The following SLC6A3 variants were observed in gnomAD, a reference collection of about 807,000 sequenced individuals.
SLC6A3 encodes the protein solute carrier family 6 member 3.
SLC6A3 carries 19 observed loss-of-function variants against 70.4 expected under a neutral mutation model. The observed-to-expected ratio is 0.27, with a 90% CI of 0.19 to 0.40. The LOEUF is 0.40. SLC6A3 is among the 10% of genes least tolerant of loss of function. SLC6A3 has a pLI of 1.00. For missense variants in SLC6A3, 613 were observed against 838.5 expected (o/e 0.73, Z 3.32); for synonymous variants, 368 against 356.6 (o/e 1.03, Z -0.36).
chr5:1,408,786 C>T lies in SLC6A3; in HGVS notation c.1498+240G>A, dbSNP rs1756046660. On this transcript the variant is annotated intron_variant, in intron 11 of 14. Transcript: ENST00000270349. This position sits in a 1 kb window ranked among gnomAD's most constrained non-coding sequence, Gnocchi z 6.4. ...TAGCGTGGAGGAGGCAGAAGACGCC[C>T]AGCCGCTGTGAACACCTCTGACCAC... 6.6e-6 allele frequency among the ~76,000 whole-genome samples: 1 copy of T among 152,214 alleles called. No individual in the cohort carries two copies. The highest frequency in any genetic ancestry group is 2.4e-5 in the African/African-American group (1 of 41,446).
chr5:1,406,122 G>C lies in SLC6A3; in HGVS notation c.1599+66C>G. The C allele has an allele frequency of 2.5e-6, 3 of 1,204,202 alleles. No individual in the cohort carries two copies. Among genetic ancestry groups the C allele is most frequent in the Non-Finnish European group, 3.7e-6 (3 of 807,116 alleles). 74.6% of individuals were successfully genotyped at this position (1,204,202 alleles called of 1,614,324 possible). The stretch of plus-strand genomic sequence containing the variant: ...AACCCACATGCGGGCGCTGGACCTC[G>C]GGGCAGGTGCCAGAGTGGGGGCAGT... On this transcript the variant is annotated intron_variant, in intron 12 of 14. Transcript: ENST00000270349. The surrounding 1 kb of genome is among the most constrained non-coding windows in gnomAD (Gnocchi z 8.8).
intron 4 of SLC6A3, 78 bp from the exon 5 acceptor site, chr5:1,422,092 G>T: frequency 6.8e-7 from 1 of 1,462,284 alleles, no homozygotes; most frequent in Non-Finnish European, 9.4e-7. Context: ...CTTGTCCGGG[G>T]ACCTGCCCTC....
chr5:1,414,045 C>T (rs28363075), intron 8 of SLC6A3, among the ~76,000 whole-genome samples: 68 of 152,320 alleles, frequency 4.5e-4, no homozygotes, highest in East Asian at 9.7e-4. Context: ...CGTCATGCGT[C>T]GGCCTGGGGA....
rs1019887551 is a variant in SLC6A3 at position 1,405,241 on chromosome 5, A to G, written c.1599+947T>C. ...GGGCAGGTTCTCTCACACTATGTTG[A>G]GCTCCTCCGGGATAGGGCCTGTCTC... On this transcript the variant is annotated intron_variant, in intron 12 of 14. Coordinates refer to ENST00000270349, the MANE Select transcript of SLC6A3 (RefSeq NM_001044.5). The surrounding 1 kb of genome is among the most constrained non-coding windows in gnomAD (Gnocchi z 5.3). Among the ~76,000 whole-genome samples the G allele has an allele frequency of 5.9e-5, 9 of 152,102 alleles. No individual in the cohort carries two copies. Among genetic ancestry groups the G allele is most frequent in the African/African-American group, 2.2e-4 (9 of 41,388 alleles).
At chr5:1,395,621 C>G (rs1755698282) in intron 14 of SLC6A3, among the ~76,000 whole-genome samples, 1 of 152,198 alleles carries the variant, frequency 6.6e-6, no homozygotes, top group Admixed American at 6.5e-5. Flanking sequence ...CCGGCACAGG[C>G]AGCATCCAGG....
At chr5:1,412,108 C>T (rs972925193) in intron 8 of SLC6A3, among the ~76,000 whole-genome samples, 2 of 152,256 alleles carry the variant, frequency 1.3e-5, no homozygotes, top group African/African-American at 4.8e-5. Context: ...TTTAGGGATA[C>T]ATTCCTGACC....
In SLC6A3 at chr5:1,442,981, C is replaced by T. The variant is rs150576860; in HGVS notation, c.217G>A (p.Val73Ile). The change falls in exon 2 of 15, where the codon GTC becomes ATC. Residue 73 changes from valine (V) to isoleucine (I), a missense_variant. Transcript: ENST00000270349. The surrounding 1 kb of genome is among the most constrained non-coding windows in gnomAD (Gnocchi z 5.0). ...GCCAGGTCCACAGCAAAGCCAATGA[C>T]GGACAGGAGAAAGTCGATCTTCTTG... ...WGKKIDFLLSVIGFAVDLANV... is the reference protein window; with the variant it reads ...WGKKIDFLLSIIGFAVDLANV... 54 of 1,614,064 alleles carry T rather than the reference C, an allele frequency of 3.3e-5. No individual in the cohort carries two copies. The highest frequency in any genetic ancestry group is 6.7e-5 in the African/African-American group (5 of 74,928).
rs183882381 is a variant in SLC6A3, at chr5:1,400,717, G to A, written c.1839+198C>T. 5.9e-5 allele frequency among the ~76,000 whole-genome samples: 9 copies of A among 152,274 alleles called. No individual in the cohort carries two copies. In the East Asian group the frequency reaches 7.7e-4, roughly 13 times the overall value. On this transcript the variant is annotated intron_variant, in intron 14 of 14. Coordinates refer to ENST00000270349, the MANE Select transcript of SLC6A3 (RefSeq NM_001044.5). ...CAGCCGCACCTCCCAGGGCCCCTGC[G>A]TCATGTGCCCCCCGTCCCGGGCACA...
At chr5:1,415,902 G>A (rs1249508575) in intron 7 of SLC6A3, among the ~76,000 whole-genome samples, 196 bp downstream of exon 7, 1 of 152,240 alleles carries the variant, frequency 6.6e-6, no homozygotes, top group Non-Finnish European at 1.5e-5. Context: ...TGGCTTCAGT[G>A]CCTTCTTTAA....
chr5:1,414,583 G>C, intron 8 of SLC6A3, 108 bp downstream of exon 8: 2 of 1,317,120 alleles, frequency 1.5e-6, no homozygotes. Context: ...CACTGAAGTC[G>C]CTCAGGGCCC....
At position 1,406,788 on chromosome 5, in the gene SLC6A3, C is replaced by T. The variant is rs539296094; in HGVS notation, c.1499-500G>A. Among the ~76,000 whole-genome samples the T allele has an allele frequency of 8.0e-4, 122 of 152,276 alleles. 1 individual carries two copies. Among genetic ancestry groups the T allele is most frequent in the African/African-American group, 2.7e-3 (114 of 41,560 alleles). On this transcript the variant is annotated intron_variant, in intron 11 of 14. Coordinates refer to ENST00000270349, the MANE Select transcript of SLC6A3 (RefSeq NM_001044.5). The surrounding 1 kb of genome is among the most constrained non-coding windows in gnomAD (Gnocchi z 8.8). ...AAAATGAAATTCTGCCCTCATGAAA[C>T]GCCAACTCCTCCCGACCCCCAACCC...
At chr5:1,414,406 C>CCGGGAGGGGCAGGGCAGGAAAGACA (rs1560912794) in intron 8 of SLC6A3, among the ~76,000 whole-genome samples, 1 of 145,166 alleles carries the variant, frequency 6.9e-6, no homozygotes, top group Admixed American at 6.9e-5. Flanking sequence ...GGTGGGGGGG[C>CCGGGAGGGGCAGGGCAGGAAAGACA]CTGGAGGGGC....
Position 1,436,578 on chromosome 5 carries a change from T to C in SLC6A3, c.419-3880A>G, listed in dbSNP as rs1035566924. 4.6e-5 allele frequency among the ~76,000 whole-genome samples: 7 copies of C among 152,228 alleles called. No homozygotes were observed. The highest frequency in any genetic ancestry group is 1.7e-4 in the African/African-American group (7 of 41,464). ...AATTTATTTTTGCTTAGTATCTTTTTCTTTATATTAACCTTGTGTGTAGTT... is the reference window on the plus strand; with the variant it reads ...AATTTATTTTTGCTTAGTATCTTTTCCTTTATATTAACCTTGTGTGTAGTT... On this transcript the variant is annotated intron_variant, in intron 3 of 14. Transcript: ENST00000270349. This position sits in a 1 kb window ranked among gnomAD's most constrained non-coding sequence, Gnocchi z 5.2.
rs539986304 is a variant in SLC6A3, at chr5:1,398,245, C to T, written c.1839+2670G>A. On this transcript the variant is annotated intron_variant, in intron 14 of 14. Transcript: ENST00000270349. The stretch of plus-strand genomic sequence containing the variant: ...GTGTGGTGCTGGGCACCTGTAATCC[C>T]AGCCACTTGAGAGGCTGAGGCAGGA... Among the ~76,000 whole-genome samples the T allele has an allele frequency of 3.8e-4, 58 of 151,872 alleles. No individual in the cohort carries two copies. The South Asian group carries it at 0.012, about 31-fold the overall frequency.
intron 14 of SLC6A3, among the ~76,000 whole-genome samples, chr5:1,395,746 C>G (rs770740505): frequency 1.3e-5 from 2 of 152,218 alleles, no homozygotes; most frequent in Non-Finnish European, 2.9e-5. Flanking sequence ...GGCAGCCCCA[C>G]TTCAGGCCAG....
intron 14 of SLC6A3, among the ~76,000 whole-genome samples, chr5:1,398,024 T>C (rs939781441): frequency 1.3e-5 from 2 of 152,168 alleles, no homozygotes; most frequent in African/African-American, 4.8e-5. Context: ...CTGTAGAGTT[T>C]AAGTGAAATA....
intron 3 of SLC6A3, among the ~76,000 whole-genome samples, chr5:1,440,515 A>G (rs1472473136): frequency 6.6e-6 from 1 of 152,170 alleles, no homozygotes; most frequent in African/African-American, 2.4e-5. Context: ...AGATAGATAG[A>G]ATTGTGGGAT....
Position 1,401,151 on chromosome 5 carries a change from C to T in SLC6A3, c.1768-165G>A. The T allele has an allele frequency of 1.4e-6, 1 of 704,838 alleles. No individual in the cohort carries two copies. Among genetic ancestry groups the T allele is most frequent in the Non-Finnish European group, 2.6e-6 (1 of 386,682 alleles). The allele number at this position is 704,838 out of a possible 1,614,324, so 43.7% of individuals were successfully genotyped here. A position where few individuals can be genotyped will look rare whatever the true frequency, so the allele number is the denominator to read the frequency against. On this transcript the variant is annotated intron_variant, in intron 13 of 14. Transcript: ENST00000270349. The surrounding 1 kb of genome is among the most constrained non-coding windows in gnomAD (Gnocchi z 6.1). ...GCATCCATATCACCAGCGCCCACCA[C>T]TGACTTACACTGCCAGTGCCCATGC...
chr5:1,418,869 TC>T (rs1756369349), intron 6 of SLC6A3, among the ~76,000 whole-genome samples: 1 of 146,730 alleles, frequency 6.8e-6, no homozygotes, highest in African/African-American at 2.6e-5. Context: ...TATCCATCCA[TC>T]CATCCATCCT....
Sources: allele counts gnomAD v4.1 joint callset (sites outside exome capture counted in the v4.1 genomes callset), GRCh38; gene constraint gnomAD v4.1.1; non-coding constraint Gnocchi (gnomAD v3.1); transcripts MANE v1.5; gene names NCBI Gene and HGNC (gene_info 2026-07-23, HGNC 2026-07-21).